Variants in CDC14B observed in about 807,000 individuals in gnomAD.
CDC14B encodes dual specificity protein phosphatase CDC14B.
In CDC14B, 22 loss-of-function variants were observed where a neutral mutation model predicts 64.2. The ratio of observed to expected loss-of-function variants is 0.34; its 90% confidence interval spans 0.24 to 0.49. The LOEUF (loss-of-function observed/expected upper bound fraction) is 0.49, where lower values mean the gene tolerates loss of function less well. Among genes scored for constraint, CDC14B ranks in the 20% least tolerant of loss-of-function variants. CDC14B has a pLI of 0.99. For synonymous variants in CDC14B, 191 were observed against 215.8 expected (o/e 0.89, Z 1.01); for missense variants, 498 against 629.9 (o/e 0.79, Z 2.24).
At chr9:96,507,050 T>C (rs1257922651) in intron 13 of CDC14B, among the ~76,000 whole-genome samples, 2 of 152,020 alleles carry the variant, frequency 1.3e-5, no homozygotes, top group Admixed American at 6.5e-5. Flanking sequence ...TCCCAGCACT[T>C]TGGGGGGCTG....
chr9:96,583,310 T>C (rs1315306414), intron 1 of CDC14B, among the ~76,000 whole-genome samples: 1 of 151,736 alleles, frequency 6.6e-6, no homozygotes, highest in Non-Finnish European at 1.5e-5. Flanking sequence ...AGGGATAGTG[T>C]TTGAAATGTC....
At chr9:96,576,146 G>T (rs1844788862) in intron 1 of CDC14B, among the ~76,000 whole-genome samples, 1 of 151,850 alleles carries the variant, frequency 6.6e-6, no homozygotes, top group Non-Finnish European at 1.5e-5. Context: ...GGGCATGGTG[G>T]CGGGCACCTG....
At chr9:96,610,320 T>G (rs1847233769) in intron 1 of CDC14B, among the ~76,000 whole-genome samples, 1 of 152,088 alleles carries the variant, frequency 6.6e-6, no homozygotes, top group Non-Finnish European at 1.5e-5. Context: ...TGCCTCAGCC[T>G]CCTGAGTATC....
At chr9:96,588,418 A>G (rs868794411) in intron 1 of CDC14B, among the ~76,000 whole-genome samples, 4 of 152,238 alleles carry the variant, frequency 2.6e-5, no homozygotes, top group Non-Finnish European at 4.4e-5. Flanking sequence ...AAGCTCACTA[A>G]GTTTCCCAAA....
chr9:96,497,303 C>T (rs925889006), downstream of CDC14B, among the ~76,000 whole-genome samples: 4 of 150,366 alleles, frequency 2.7e-5, no homozygotes, highest in Admixed American at 2.6e-4. Context: ...GAGGCAGGGG[C>T]GGGGAGGCAG....
chr9:96,565,091 T>C (rs544166216), intron 2 of CDC14B, among the ~76,000 whole-genome samples: 19 of 152,280 alleles, frequency 1.2e-4, no homozygotes, highest in African/African-American at 3.6e-4. Flanking sequence ...GAACATACCT[T>C]CTAAATTAAA....
At position 96,545,711 on chromosome 9, in the gene CDC14B, C is replaced by T. The variant is rs1446684400; in HGVS notation, c.498-3819G>A. On this transcript the variant is annotated intron_variant, in intron 5 of 13. Transcript: ENST00000375241. Reference sequence around the variant, plus strand: ...GACATTTTGGCAAATTTCTTCAATGCTTTTTTTTTTTTTTTGAGAACCTAC... The same window carrying T: ...GACATTTTGGCAAATTTCTTCAATGTTTTTTTTTTTTTTTTGAGAACCTAC... Among the ~76,000 whole-genome samples the T allele has an allele frequency of 4.9e-5, 7 of 142,552 alleles. No homozygotes were observed. The South Asian group carries it at 1.1e-3, about 23-fold the overall frequency. The allele number at this position is 142,552 out of a possible 152,430, so 93.5% of individuals were successfully genotyped here.
chr9:96,516,628 C>G (rs1458725614), intron 12 of CDC14B, among the ~76,000 whole-genome samples: 2 of 151,904 alleles, frequency 1.3e-5, no homozygotes, highest in African/African-American at 4.8e-5. Flanking sequence ...TAGAGGCGCA[C>G]ATCACCACGC....
At chr9:96,607,743 G>A (rs190479720) in intron 1 of CDC14B, among the ~76,000 whole-genome samples, 19 of 152,288 alleles carry the variant, frequency 1.2e-4, no homozygotes, top group African/African-American at 4.3e-4. Flanking sequence ...CTTCATTCTT[G>A]TTAGTGGCAG....
intron 1 of CDC14B, among the ~76,000 whole-genome samples, chr9:96,607,357 T>G (rs1450846003): frequency 6.6e-6 from 1 of 151,664 alleles, no homozygotes; most frequent in Admixed American, 6.6e-5. Flanking sequence ...CATTAAATTT[T>G]TTTTTTTTTT....
downstream of CDC14B, among the ~76,000 whole-genome samples, chr9:96,499,049 G>A (rs1168451605): frequency 2.0e-5 from 3 of 152,190 alleles, no homozygotes; most frequent in African/African-American, 2.4e-5. Flanking sequence ...GGGACTTCAC[G>A]GAGCTGCGTG....
intron 7 of CDC14B, among the ~76,000 whole-genome samples, chr9:96,537,732 CT>C (rs948678724): frequency 9.9e-5 from 15 of 151,900 alleles, no homozygotes; most frequent in East Asian, 5.8e-4. Flanking sequence ...AAATTTTTCC[CT>C]TTTTTTTGAG....
intron 1 of CDC14B, among the ~76,000 whole-genome samples, chr9:96,573,838 CA>C (rs898821576): frequency 6.6e-6 from 1 of 151,776 alleles, no homozygotes; most frequent in African/African-American, 2.4e-5. Context: ...CCAAGAAGAA[CA>C]AAAAACATTG....
At chr9:96,536,263 A>C (rs975629286) in intron 7 of CDC14B, among the ~76,000 whole-genome samples, 40 of 152,280 alleles carry the variant, frequency 2.6e-4, no homozygotes, top group African/African-American at 9.4e-4. Context: ...GCTACCCCCC[A>C]GCCCAGACCC....
At chr9:96,506,279 C>T (rs772239722) in intron 13 of CDC14B, among the ~76,000 whole-genome samples, 9 of 152,084 alleles carry the variant, frequency 5.9e-5, no homozygotes, top group Non-Finnish European at 1.3e-4. Context: ...AGAATCAGAC[C>T]GTGCACCAAT....
chr9:96,550,072 C>G (rs1022566611), intron 5 of CDC14B, among the ~76,000 whole-genome samples: 1 of 152,170 alleles, frequency 6.6e-6, no homozygotes, highest in Non-Finnish European at 1.5e-5. Context: ...ACAAATGTCA[C>G]TACATCAAGA....
chr9:96,512,542 C>T (rs1835057666), intron 12 of CDC14B, among the ~76,000 whole-genome samples: 1 of 151,970 alleles, frequency 6.6e-6, no homozygotes, highest in Non-Finnish European at 1.5e-5. Context: ...CCAGGCTATT[C>T]TCAAAATTCT....
chr9:96,591,027 T>C (rs943596187), intron 1 of CDC14B, among the ~76,000 whole-genome samples: 2 of 152,226 alleles, frequency 1.3e-5, no homozygotes, highest in African/African-American at 2.4e-5. Context: ...TATCCCCTTA[T>C]CAGAGATACG....
At position 96,523,740 on chromosome 9, in the gene CDC14B, A is replaced by C. The variant is rs780916244; in HGVS notation, c.947-15T>G. 1.1e-5 allele frequency: 18 copies of C among 1,607,080 alleles called. No homozygotes were observed. The highest frequency in any genetic ancestry group is 1.7e-4 in the Middle Eastern group (1 of 6,032). On this transcript the variant is annotated splice_polypyrimidine_tract_variant and intron_variant, in intron 9 of 13. Coordinates refer to ENST00000375241, the MANE Select transcript of CDC14B (RefSeq NM_033331.4). ...ACCAAGGCCAGCTAGGAAAATAAAG[A>C]AGCACAGAAATGAAACTTGGGCTGA...
Sources: gnomAD v4.1 joint callset for allele counts (sites outside exome capture counted in the v4.1 genomes callset) on GRCh38, gnomAD v4.1.1 for gene constraint, MANE v1.5 for transcripts, NCBI Gene and HGNC (gene_info 2026-07-23, HGNC 2026-07-21) for gene names.